Variants in ARHGEF7 observed in about 807,000 individuals in gnomAD.
ARHGEF7 encodes PAK-interacting exchange factor beta.
Under a neutral mutation model 109.8 loss-of-function variants are expected in ARHGEF7, and 33 were observed. That is an observed-to-expected ratio of 0.30 (90% CI 0.23 to 0.40). The LOEUF is 0.40. Among genes scored for constraint, ARHGEF7 ranks in the 10% least tolerant of loss-of-function variants. ARHGEF7 has a pLI of 1.00. For missense variants in ARHGEF7, 938 were observed against 1,098.5 expected, an observed-to-expected ratio of 0.85 and a Z score of 2.07; for synonymous variants, 458 against 424.6, an observed-to-expected ratio of 1.08 and a Z score of -0.97.
chr13:111,256,133 A>G (rs2090395563), intron 8 of ARHGEF7, among the ~76,000 whole-genome samples: 1 of 152,174 alleles, frequency 6.6e-6, no homozygotes. Flanking sequence ...TTCTTATCCT[A>G]CACTAATCAG....
At chr13:111,172,864 A>G (rs962862835) in intron 2 of ARHGEF7, among the ~76,000 whole-genome samples, 1 of 152,204 alleles carries the variant, frequency 6.6e-6, no homozygotes, top group Non-Finnish European at 1.5e-5. Context: ...CTAGTCAGAC[A>G]TTACTGATGC....
intron 2 of ARHGEF7, among the ~76,000 whole-genome samples, chr13:111,193,558 T>C (rs1399032038): frequency 1.3e-5 from 2 of 152,248 alleles, no homozygotes; most frequent in Non-Finnish European, 2.9e-5. Context: ...AGCATGGGCA[T>C]GTAGGATTAG....
chr13:111,280,239 G>GT (rs369356529), intron 13 of ARHGEF7, 33 bp from the exon 14 acceptor site: 126,982 of 957,432 alleles, frequency 0.13, no homozygotes, highest in South Asian at 0.15. Context: ...AGCACTAATT[G>GT]TTTTTTTTTT....
At chr13:111,178,851 TGG>T (rs2078432755) in intron 2 of ARHGEF7, among the ~76,000 whole-genome samples, 1 of 152,240 alleles carries the variant, frequency 6.6e-6, no homozygotes. Flanking sequence ...ATTGTTCATG[TGG>T]GTGTTTATTT....
At position 111,280,638 on chromosome 13, in the gene ARHGEF7, A is replaced by G. The variant is rs2092728069; in HGVS notation, c.1686A>G (p.Gly562=). ...AGCAAACGAAGGTCACGTCTGTGGG[A>G]AACCCCACCATAAAGCCTCATTCAG... ...LQKQTKVTSV[G]NPTIKPHSVP... is the part of the protein sequence containing the mutation. Residue 562 remains glycine (G), a synonymous_variant, in exon 15 of 22, where the codon GGA becomes GGG. Transcript: ENST00000646102. The G allele has an allele frequency of 6.2e-7, 1 of 1,610,206 alleles. No individual in the cohort carries two copies. Among genetic ancestry groups the G allele is most frequent in the Admixed American group, 1.7e-5 (1 of 59,034 alleles).
intron 9 of ARHGEF7, among the ~76,000 whole-genome samples, chr13:111,269,079 C>G (rs2091914490): frequency 6.6e-6 from 1 of 152,238 alleles, no homozygotes; most frequent in Admixed American, 6.5e-5. Context: ...CTCTGCACGT[C>G]CCGCTTGGGA....
At chr13:111,274,961 G>A (rs1240127664) in intron 11 of ARHGEF7, among the ~76,000 whole-genome samples, 171 bp downstream of exon 11, 2 of 152,186 alleles carry the variant, frequency 1.3e-5, no homozygotes, top group Non-Finnish European at 2.9e-5. Flanking sequence ...GACTATGATA[G>A]AATAATTATT....
At chr13:111,241,054 T>C in intron 6 of ARHGEF7, 12 of 1,283,148 alleles carry the variant, frequency 9.4e-6, no homozygotes, top group Non-Finnish European at 1.2e-5. Flanking sequence ...TTTGTTTTGC[T>C]GTGCTCTGAG....
At chr13:111,154,837 GT>G (rs2076182263) in intron 2 of ARHGEF7, among the ~76,000 whole-genome samples, 1 of 152,018 alleles carries the variant, frequency 6.6e-6, no homozygotes. Flanking sequence ...AAGTCCTGCC[GT>G]TTATGTTGCC....
chr13:111,182,583 G>T (rs551161939), intron 2 of ARHGEF7: 2 of 152,380 alleles, frequency 1.3e-5, no homozygotes, highest in Admixed American at 1.3e-4. Flanking sequence ...CGAATACCAG[G>T]AACTTCAGCT....
At chr13:111,290,455 C>G (rs1191106275) in intron 18 of ARHGEF7, among the ~76,000 whole-genome samples, 1 of 152,144 alleles carries the variant, frequency 6.6e-6, no homozygotes, top group African/African-American at 2.4e-5. Flanking sequence ...AAACACCATG[C>G]CATCTTATAT....
Position 111,209,758 on chromosome 13 carries a change from T to C in ARHGEF7, c.338-114T>C, listed in dbSNP as rs1280074767. On this transcript the variant is annotated intron_variant, in intron 3 of 21. Transcript: ENST00000646102. ...TCTGCATAAATGGGCTGCTTTGTTG[T>C]GGTCTTTTGGTGTGTCCCTCTGTGC... 14 of 1,215,520 alleles carry C rather than the reference T, an allele frequency of 1.2e-5. No individual in the cohort carries two copies. In the East Asian group the frequency reaches 3.2e-4, roughly 28 times the overall value. The allele number at this position is 1,215,520 out of a possible 1,614,324, so 75.3% of individuals were successfully genotyped here.
chr13:111,213,723 A>T (rs930196400), intron 4 of ARHGEF7, among the ~76,000 whole-genome samples: 2 of 152,106 alleles, frequency 1.3e-5, no homozygotes, highest in Non-Finnish European at 2.9e-5. Context: ...AGAGCTTTTT[A>T]AAAAAGGGAA....
At chr13:111,285,556 ACT>A (rs2092984097) in intron 16 of ARHGEF7, among the ~76,000 whole-genome samples, 1 of 152,028 alleles carries the variant, frequency 6.6e-6, no homozygotes, top group Non-Finnish European at 1.5e-5. Context: ...CGTTGTGAAC[ACT>A]CTGAGCTGGT....
At chr13:111,224,681 T>C (rs2084946753) in intron 5 of ARHGEF7, among the ~76,000 whole-genome samples, 1 of 152,214 alleles carries the variant, frequency 6.6e-6, no homozygotes, top group African/African-American at 2.4e-5. Flanking sequence ...TTTTTACTTA[T>C]TTTTGACATA....
chr13:111,194,151 G>A (rs994988172), intron 2 of ARHGEF7, among the ~76,000 whole-genome samples: 1 of 152,208 alleles, frequency 6.6e-6, no homozygotes, highest in Non-Finnish European at 1.5e-5. Context: ...CCTTAGTTAG[G>A]TATGCCACCG....
At chr13:111,289,570 G>A (rs2093185897) in intron 18 of ARHGEF7, among the ~76,000 whole-genome samples, 1 of 152,186 alleles carries the variant, frequency 6.6e-6, no homozygotes, top group African/African-American at 2.4e-5. Flanking sequence ...TTTAGGACTT[G>A]GTGCCCTTTC....
At chr13:111,223,181 A>G (rs1361918222) in intron 5 of ARHGEF7, among the ~76,000 whole-genome samples, 1 of 152,160 alleles carries the variant, frequency 6.6e-6, no homozygotes, top group Admixed American at 6.5e-5. Context: ...GTGGGCGGCT[A>G]TATTGCATTT....
At chr13:111,274,104 C>T (rs2092341709) in intron 10 of ARHGEF7, 152 bp downstream of exon 10, 2 of 1,014,922 alleles carry the variant, frequency 2.0e-6, no homozygotes, top group East Asian at 5.3e-5. Flanking sequence ...ATGTTTTTCT[C>T]CTTATTCCAG....
Sources: gnomAD v4.1 joint callset for allele counts (sites outside exome capture counted in the v4.1 genomes callset) on GRCh38, gnomAD v4.1.1 for gene constraint, MANE v1.5 for transcripts, NCBI Gene and HGNC (gene_info 2026-07-23, HGNC 2026-07-21) for gene names.